The following MTMR3 variants were observed in gnomAD, a reference collection of about 807,000 sequenced individuals.
The protein encoded by MTMR3 is phosphatidylinositol-3,5-bisphosphate 3-phosphatase MTMR3.
Under a neutral mutation model 132.4 loss-of-function variants are expected in MTMR3, and 32 were observed. The ratio of observed to expected loss-of-function variants is 0.24; its 90% confidence interval spans 0.18 to 0.32. MTMR3 has a LOEUF of 0.32. Among genes scored for constraint, MTMR3 ranks in the 10% least tolerant of loss-of-function variants. The pLI, the probability that MTMR3 is intolerant of heterozygous loss-of-function variation, is 1.00. For missense variants in MTMR3, 1,216 were observed against 1,489.6 expected (o/e 0.82, Z 3.02); for synonymous variants, 556 against 550.3 (o/e 1.01, Z -0.14).
chr22:29,960,024 C>G (rs2066279262), intron 2 of MTMR3, among the ~76,000 whole-genome samples: 2 of 152,062 alleles, frequency 1.3e-5, no homozygotes, highest in Admixed American at 1.3e-4. Context: ...GCCTCAGCCT[C>G]TCATAGTGTT....
chr22:29,936,183 G>T (rs1220619019), intron 1 of MTMR3, among the ~76,000 whole-genome samples: 2 of 152,180 alleles, frequency 1.3e-5, no homozygotes, highest in Non-Finnish European at 2.9e-5. Flanking sequence ...TTAGGCTGAA[G>T]AATAAAATAT....
chr22:29,997,741 A>G (rs1194428647), intron 7 of MTMR3: 1 of 152,182 alleles, frequency 6.6e-6, no homozygotes, highest in Non-Finnish European at 1.5e-5. Flanking sequence ...CCATCATCTA[A>G]AAGGCTCTGG....
chr22:29,931,673 A>G (rs917858029), intron 1 of MTMR3, among the ~76,000 whole-genome samples: 2 of 152,172 alleles, frequency 1.3e-5, no homozygotes, highest in Non-Finnish European at 2.9e-5. Context: ...TTGGCCTTCC[A>G]AAGTGTTGGG....
At chr22:29,925,298 A>G (rs2065493542) in intron 1 of MTMR3, among the ~76,000 whole-genome samples, 3 of 152,202 alleles carry the variant, frequency 2.0e-5, no homozygotes, top group Non-Finnish European at 2.9e-5. Flanking sequence ...CTCCCAAAGT[A>G]TTGGGATTAC....
intron 2 of MTMR3, among the ~76,000 whole-genome samples, chr22:29,969,418 A>G (rs1483925398): frequency 2.0e-5 from 3 of 152,048 alleles, no homozygotes; most frequent in South Asian, 4.1e-4. Context: ...TTTCATTGCT[A>G]TATTGTCTCT....
chr22:30,009,163 G>A (rs749936967), intron 12 of MTMR3, 34 bp downstream of exon 12: 9 of 1,346,796 alleles, frequency 6.7e-6, no homozygotes, highest in South Asian at 4.8e-5. Flanking sequence ...ATTTTGCATT[G>A]CTCTTAAATA....
At chr22:29,986,462 T>A (rs2066859916) in intron 5 of MTMR3, 1 of 599,956 alleles carries the variant, frequency 1.7e-6, no homozygotes, top group African/African-American at 2.0e-5. Context: ...TCAATATTTC[T>A]TCTTTATAGT....
In MTMR3 at chr22:30,029,349, C is replaced by A. The variant is rs1359773435; in HGVS notation, c.*3548C>A. 1.3e-5 allele frequency: 2 copies of A among 152,346 alleles called. No individual in the cohort carries two copies. Among genetic ancestry groups the A allele is most frequent in the East Asian group, 3.7e-4 (2 of 5,340 alleles). 9.4% of individuals were successfully genotyped at this position (152,346 alleles called of 1,614,324 possible). ...ACAGCTGCCTTAATCCACTGAGATT[C>A]TCTATGAGGATGTACAGAAAAGTTT... is the stretch of plus-strand genomic sequence containing the variant. On this transcript the variant is annotated 3_prime_UTR_variant, in exon 20 of 20. Coordinates refer to ENST00000401950, the MANE Select transcript of MTMR3 (RefSeq NM_021090.4).
intron 1 of MTMR3, among the ~76,000 whole-genome samples, chr22:29,925,723 C>G (rs1276088504): frequency 6.6e-6 from 1 of 151,890 alleles, no homozygotes; most frequent in African/African-American, 2.4e-5. Flanking sequence ...TGAGATCAGC[C>G]TGGCCAACAA....
chr22:29,904,364 G>T (rs1360512785), intron 1 of MTMR3, among the ~76,000 whole-genome samples: 1 of 152,220 alleles, frequency 6.6e-6, no homozygotes, highest in African/African-American at 2.4e-5. Context: ...CTAGTGAGTA[G>T]CTGAAATAGT....
At chr22:29,946,984 A>G (rs960200959) in intron 1 of MTMR3, among the ~76,000 whole-genome samples, 3 of 152,198 alleles carry the variant, frequency 2.0e-5, no homozygotes, top group South Asian at 2.1e-4. Flanking sequence ...GCTTTAGAAT[A>G]TAGGGTTTAG....
intron 1 of MTMR3, among the ~76,000 whole-genome samples, chr22:29,956,339 C>T (rs533122614): frequency 1.3e-5 from 2 of 152,156 alleles, no homozygotes; most frequent in African/African-American, 4.8e-5. Context: ...CTCCACGTCT[C>T]GTGTTCAAGT....
chr22:29,906,075 T>TC (rs1316853303), intron 1 of MTMR3, among the ~76,000 whole-genome samples: 4 of 152,102 alleles, frequency 2.6e-5, no homozygotes, highest in Admixed American at 6.6e-5. Context: ...ACGCTGGCCT[T>TC]TAACTCCTTG....
At position 29,970,969 on chromosome 22, in the gene MTMR3, C is replaced by A. The variant is rs1242062533; in HGVS notation, c.-84-7C>A. 11 of 1,037,704 alleles carry A rather than the reference C, an allele frequency of 1.1e-5. No homozygotes were observed. The highest frequency in any genetic ancestry group is 4.2e-5 in the South Asian group (2 of 47,906). The allele number at this position is 1,037,704 out of a possible 1,614,324, so 64.3% of individuals were successfully genotyped here. On this transcript the variant is annotated splice_region_variant and splice_polypyrimidine_tract_variant and intron_variant, in intron 2 of 19. Transcript: ENST00000401950. ...TTCTTCTTCCCCCTCTTCCCCCCCA[C>A]CCCCAGACTTCACCATAAGGGAAAG... is the stretch of plus-strand genomic sequence containing the variant.
intron 1 of MTMR3, among the ~76,000 whole-genome samples, chr22:29,892,026 G>T (rs1602413019): frequency 1.3e-5 from 2 of 152,012 alleles, no homozygotes; most frequent in South Asian, 4.2e-4. Context: ...GGTGGCACGC[G>T]CCTGTAGTTC....
chr22:29,938,524 C>T (rs980581988), intron 1 of MTMR3, among the ~76,000 whole-genome samples: 6 of 152,290 alleles, frequency 3.9e-5, no homozygotes, highest in African/African-American at 1.4e-4. Context: ...GTTGTGGAAT[C>T]ATATAGAGAG....
intron 1 of MTMR3, among the ~76,000 whole-genome samples, chr22:29,917,031 A>G (rs1359230503): frequency 6.6e-6 from 1 of 152,212 alleles, no homozygotes; most frequent in East Asian, 1.9e-4. Flanking sequence ...TATCTTCAGC[A>G]AAGGATTCTG....
chr22:29,958,574 A>G (rs1489106888), intron 2 of MTMR3, among the ~76,000 whole-genome samples: 1 of 152,042 alleles, frequency 6.6e-6, no homozygotes, highest in East Asian at 1.9e-4. Flanking sequence ...CTCTTGTCTC[A>G]GTGGCTCAAA....
chr22:29,996,101 C>T (rs1255742259), intron 7 of MTMR3: 1 of 152,146 alleles, frequency 6.6e-6, no homozygotes, highest in African/African-American at 2.4e-5. Flanking sequence ...GAGTTCAAAT[C>T]CAGCTTAGGC....
Sources: allele counts gnomAD v4.1 joint callset (sites outside exome capture counted in the v4.1 genomes callset), GRCh38; gene constraint gnomAD v4.1.1; transcripts MANE v1.5; gene names NCBI Gene and HGNC (gene_info 2026-07-23, HGNC 2026-07-21).